Variants in DNAI4 observed in about 807,000 individuals in gnomAD.
The protein encoded by DNAI4 is WD repeat domain 78.
In DNAI4, 85 loss-of-function variants were observed where a neutral mutation model predicts 105.8. That is an observed-to-expected ratio of 0.80 (90% CI 0.67 to 0.96). The LOEUF (loss-of-function observed/expected upper bound fraction) is 0.96. Among genes scored for constraint, DNAI4 ranks in the 40% least tolerant of loss-of-function variants. The pLI, the probability that DNAI4 is intolerant of heterozygous loss-of-function variation, is 0.00. For missense variants in DNAI4, 1,014 were observed against 1,005.6 expected (o/e 1.01, Z -0.11); for synonymous variants, 352 against 331.5 (o/e 1.06, Z -0.67).
intron 2 of DNAI4, among the ~76,000 whole-genome samples, chr1:66,895,922 T>C (rs1648293232): frequency 6.6e-6 from 1 of 151,974 alleles, no homozygotes; most frequent in Admixed American, 6.6e-5. Context: ...GTATTAAGCA[T>C]TTGTTGTTGT....
intron 4 of DNAI4, among the ~76,000 whole-genome samples, chr1:66,880,967 C>G (rs1168562312): frequency 2.6e-5 from 4 of 152,136 alleles, no homozygotes; most frequent in African/African-American, 7.2e-5. Context: ...CCAGCCGTGA[C>G]TAAAAGGGAT....
At chr1:66,924,007 G>A (rs1039464330) in intron 1 of DNAI4, among the ~76,000 whole-genome samples, 2 of 152,164 alleles carry the variant, frequency 1.3e-5, no homozygotes, top group African/African-American at 4.8e-5. Flanking sequence ...ACAGAGCACA[G>A]CAATGTTCGG....
intron 6 of DNAI4, among the ~76,000 whole-genome samples, chr1:66,868,748 C>G (rs1646782208): frequency 6.6e-6 from 1 of 152,006 alleles, no homozygotes; most frequent in Non-Finnish European, 1.5e-5. Flanking sequence ...AGCCAATGCC[C>G]TGTAATAAAT....
intron 3 of DNAI4, among the ~76,000 whole-genome samples, chr1:66,891,869 T>C (rs1369849888): frequency 6.6e-6 from 1 of 152,188 alleles, no homozygotes; most frequent in Non-Finnish European, 1.5e-5. Context: ...CTACCCAGCA[T>C]ATTCATCTTC....
chr1:66,894,949 C>G (rs963948640), intron 2 of DNAI4, among the ~76,000 whole-genome samples: 3 of 151,942 alleles, frequency 2.0e-5, no homozygotes, highest in African/African-American at 7.3e-5. Flanking sequence ...AACTTTAAAA[C>G]TTGAGATTTT....
chr1:66,845,410 T>C (rs1281857959), intron 8 of DNAI4, among the ~76,000 whole-genome samples: 1 of 152,168 alleles, frequency 6.6e-6, no homozygotes, highest in Admixed American at 6.5e-5. Flanking sequence ...TACATTGTTG[T>C]GGGAGTATAA....
chr1:66,815,057 G>A (rs189039006), intron 16 of DNAI4, among the ~76,000 whole-genome samples: 49 of 152,260 alleles, frequency 3.2e-4, no homozygotes, highest in Non-Finnish European at 5.4e-4. Flanking sequence ...GAAAATCATT[G>A]AAATCTTTAG....
intron 2 of DNAI4, 42 bp downstream of exon 2, chr1:66,905,159 C>T (rs2100831064): frequency 7.2e-7 from 1 of 1,389,030 alleles, no homozygotes; most frequent in Non-Finnish European, 9.7e-7. Context: ...GAGTTTTTCA[C>T]AGTGCCATTT....
At chr1:66,881,154 G>A (rs752341965) in intron 4 of DNAI4, among the ~76,000 whole-genome samples, 3 of 152,206 alleles carry the variant, frequency 2.0e-5, no homozygotes, top group Non-Finnish European at 4.4e-5. Flanking sequence ...TTGCTGCAGG[G>A]GCAGGGCCAT....
chr1:66,885,334 AT>A (rs1415614993), intron 4 of DNAI4, among the ~76,000 whole-genome samples: 1 of 152,186 alleles, frequency 6.6e-6, no homozygotes, highest in Non-Finnish European at 1.5e-5. Flanking sequence ...CTTTTGCCTG[AT>A]TAAGTTCTTT....
chr1:66,858,947 A>T (rs1646564212), intron 7 of DNAI4, among the ~76,000 whole-genome samples: 1 of 152,172 alleles, frequency 6.6e-6, no homozygotes. Context: ...AAGTTTTTAG[A>T]TATAGCATCA....
rs1645969279 is a variant in DNAI4 at position 66,835,649 on chromosome 1, A to G, written c.1710T>C (p.Ser570=). The change falls in exon 11 of 17, where the codon AGT becomes AGC. Residue 570 remains serine, a synonymous_variant. Transcript: ENST00000371026. ...TIAIYNVRSN[S]NVPVLDSSES... ...ACCTACTATCCAGAACTGGAACATT[A>G]CTGTTGCTCCGTACATTGTAAATTG... is the stretch of plus-strand genomic sequence containing the variant. 1 of 1,614,118 alleles carries G rather than the reference A, an allele frequency of 6.2e-7. No homozygotes were observed. Among genetic ancestry groups the G allele is most frequent in the East Asian group, 2.2e-5 (1 of 44,858 alleles).
intron 16 of DNAI4, among the ~76,000 whole-genome samples, chr1:66,819,763 C>T (rs1367135212): frequency 1.3e-5 from 2 of 152,000 alleles, no homozygotes; most frequent in East Asian, 3.9e-4. Flanking sequence ...TCTCTTCCAC[C>T]ACTATCTCCA....
intron 11 of DNAI4, 21 bp from the exon 12 acceptor site, chr1:66,834,169 C>T (rs377111651): frequency 1.3e-6 from 2 of 1,565,796 alleles, no homozygotes; most frequent in African/African-American, 1.4e-5. Flanking sequence ...AAAAAAAATA[C>T]TAAACATATA....
chr1:66,869,548 G>T (rs1646798553), intron 6 of DNAI4, among the ~76,000 whole-genome samples: 1 of 151,942 alleles, frequency 6.6e-6, no homozygotes, highest in African/African-American at 2.4e-5. Flanking sequence ...AATATGAATA[G>T]GTTTCTTAAT....
Position 66,827,832 on chromosome 1 carries a change from C to T in DNAI4, c.2092G>A (p.Asp698Asn). 1 of 1,594,420 alleles carries T rather than the reference C, an allele frequency of 6.3e-7. No individual in the cohort carries two copies. Among genetic ancestry groups the T allele is most frequent in the South Asian group, 1.1e-5 (1 of 87,808 alleles). The change falls in exon 14 of 17, where the codon GAT becomes AAT. Residue 698 changes from aspartate (D) to asparagine (N), a missense_variant. By Grantham distance (23) the Asp-to-Asn change is conservative (BLOSUM62 1). Coordinates refer to ENST00000371026, the MANE Select transcript of DNAI4 (RefSeq NM_024763.5). The stretch of plus-strand genomic sequence containing the variant: ...CTAACCTTATGTCCTCTGTAGGTAT[C>T]TAAGTATTGTTCATTATATGAACAA... Reference protein sequence around the residue: ...CSCSYNEQYLDTYRGHKGPVY... With the variant: ...CSCSYNEQYLNTYRGHKGPVY...
At chr1:66,856,428 G>A (rs946502987) in intron 7 of DNAI4, among the ~76,000 whole-genome samples, 8 of 151,882 alleles carry the variant, frequency 5.3e-5, no homozygotes, top group Non-Finnish European at 8.8e-5. Flanking sequence ...AGCCGAGATC[G>A]TGCCACTGCA....
At chr1:66,864,791 A>G (rs1646697269) in intron 6 of DNAI4, among the ~76,000 whole-genome samples, 1 of 152,222 alleles carries the variant, frequency 6.6e-6, no homozygotes, top group Non-Finnish European at 1.5e-5. Flanking sequence ...CAGTGAGCCG[A>G]GATCGTGCCA....
intron 2 of DNAI4, among the ~76,000 whole-genome samples, chr1:66,893,941 C>T (rs1476809507): frequency 1.3e-5 from 2 of 152,152 alleles, no homozygotes; most frequent in African/African-American, 4.8e-5. Flanking sequence ...TAGCACAACA[C>T]ATTACTCACG....
Sources: gnomAD v4.1 joint callset for allele counts (sites outside exome capture counted in the v4.1 genomes callset) on GRCh38, gnomAD v4.1.1 for gene constraint, MANE v1.5 for transcripts, NCBI Gene and HGNC (gene_info 2026-07-23, HGNC 2026-07-21) for gene names.